The following ZNF704 variants were observed in gnomAD, a reference collection of about 807,000 sequenced individuals.
The protein encoded by ZNF704 is glucocorticoid induced gene 1.
A neutral mutation model predicts 44.7 loss-of-function variants in ZNF704; 10 were observed. The ratio of observed to expected loss-of-function variants is 0.22; its 90% CI spans 0.14 to 0.38. ZNF704 has a LOEUF of 0.38. Ranked by LOEUF, ZNF704 falls within the 10% of genes least tolerant of loss-of-function variation. The probability of loss-of-function intolerance (pLI) is 1.00; values close to 1 mark genes in which losing one functional copy is unlikely to be tolerated. For synonymous variants in ZNF704, 211 were observed against 207.6 expected (o/e 1.02, Z -0.14); for missense variants, 390 against 545.5 (o/e 0.71, Z 2.84).
Position 80,638,817 on chromosome 8 carries a change from G to C in ZNF704, c.*2549C>G, listed in dbSNP as rs1177577627. On this transcript the variant is annotated 3_prime_UTR_variant, in exon 9 of 9. Coordinates refer to ENST00000327835, the MANE Select transcript of ZNF704 (RefSeq NM_001033723.3). The stretch of plus-strand genomic sequence containing the variant: ...AGAAAAGAAAGTACACAGAGCCGTG[G>C]GCTAGCAGGCAGAAAGCAGCCCCAA... 6.6e-6 allele frequency: 1 copy of C among 152,196 alleles called. No homozygotes were observed. The highest frequency in any genetic ancestry group is 2.1e-4 in the South Asian group (1 of 4,832). The allele number at this position is 152,196 out of a possible 1,614,324, so 9.4% of individuals were successfully genotyped here.
intron 2 of ZNF704, among the ~76,000 whole-genome samples, chr8:80,712,071 G>A (rs1818996071): frequency 1.3e-5 from 2 of 152,212 alleles, no homozygotes; most frequent in African/African-American, 4.8e-5. Flanking sequence ...ATGTTCGGAG[G>A]TGAGACCTTT....
chr8:80,738,658 A>T (rs940177481), intron 2 of ZNF704, among the ~76,000 whole-genome samples: 3 of 152,118 alleles, frequency 2.0e-5, no homozygotes, highest in African/African-American at 7.2e-5. Flanking sequence ...ATATTCTACA[A>T]GATTTTCAAG....
intron 2 of ZNF704, among the ~76,000 whole-genome samples, chr8:80,780,342 A>C (rs1246721981): frequency 6.6e-6 from 1 of 152,200 alleles, no homozygotes; most frequent in Non-Finnish European, 1.5e-5. Flanking sequence ...TGGCAGAAAG[A>C]GATCAGAATG....
intron 2 of ZNF704, among the ~76,000 whole-genome samples, chr8:80,744,263 T>G (rs1806809272): frequency 6.6e-6 from 1 of 152,182 alleles, no homozygotes; most frequent in African/African-American, 2.4e-5. Flanking sequence ...AAACTTAACA[T>G]GTGTCTCACA....
At chr8:80,698,542 G>C (rs1818760287) in intron 2 of ZNF704, among the ~76,000 whole-genome samples, 1 of 152,170 alleles carries the variant, frequency 6.6e-6, no homozygotes, top group African/African-American at 2.4e-5. Context: ...CAAGTGGAAT[G>C]GGGTTGGGAG....
intron 2 of ZNF704, among the ~76,000 whole-genome samples, chr8:80,795,214 T>C (rs184704047): frequency 2.5e-4 from 38 of 152,304 alleles, no homozygotes; most frequent in African/African-American, 7.7e-4. Flanking sequence ...ATGAATGACC[T>C]TTGGGTTTCT....
At chr8:80,782,560 A>C (rs1175269748) in intron 2 of ZNF704, among the ~76,000 whole-genome samples, 3 of 152,206 alleles carry the variant, frequency 2.0e-5, no homozygotes, top group Non-Finnish European at 2.9e-5. Context: ...CATGATATGT[A>C]GAGTCCTTCT....
At chr8:80,843,998 C>T (rs950399433) in intron 1 of ZNF704, among the ~76,000 whole-genome samples, 1 of 149,154 alleles carries the variant, frequency 6.7e-6, no homozygotes, top group African/African-American at 2.5e-5. Context: ...TATACACATA[C>T]ACACATGTAT....
intron 7 of ZNF704, chr8:80,645,033 C>T: frequency 1.5e-6 from 2 of 1,307,986 alleles, no homozygotes; most frequent in South Asian, 1.2e-5. Context: ...CTGCTGAATG[C>T]CAAGATTCCT....
intron 1 of ZNF704, among the ~76,000 whole-genome samples, chr8:80,872,109 A>C (rs1051885428): frequency 6.6e-6 from 1 of 152,216 alleles, no homozygotes; most frequent in African/African-American, 2.4e-5. Context: ...TCTGGACAAA[A>C]ATGCTAAGGA....
chr8:80,875,243 G>C (rs147841502), upstream of ZNF704, among the ~76,000 whole-genome samples: 1 of 152,054 alleles, frequency 6.6e-6, no homozygotes, highest in South Asian at 2.1e-4. Flanking sequence ...TTGCTATTGC[G>C]TGGGGTTAGG....
At chr8:80,670,712 C>T (rs1352216405) in intron 4 of ZNF704, 109 bp from the exon 5 acceptor site, 15 of 741,708 alleles carry the variant, frequency 2.0e-5, no homozygotes, top group Admixed American at 1.7e-4. Context: ...GCAGCATCCC[C>T]AGCCTCTTGA....
chr8:80,775,706 T>C (rs780502824), intron 2 of ZNF704, among the ~76,000 whole-genome samples: 2 of 152,170 alleles, frequency 1.3e-5, no homozygotes, highest in Middle Eastern at 3.2e-3. Flanking sequence ...GTGGAAGAAA[T>C]GCAAAAATTA....
At chr8:80,664,367 G>A (rs547237625) in intron 6 of ZNF704, among the ~76,000 whole-genome samples, 1 of 151,904 alleles carries the variant, frequency 6.6e-6, no homozygotes, top group African/African-American at 2.4e-5. Context: ...TGCCTCCTGG[G>A]TTCAAGTGAT....
intron 2 of ZNF704, among the ~76,000 whole-genome samples, chr8:80,742,642 C>T (rs1028746089): frequency 3.3e-5 from 5 of 152,118 alleles, no homozygotes; most frequent in Admixed American, 2.0e-4. Flanking sequence ...AACTACAAAT[C>T]GTTCTTCAAA....
rs1396083309 is a variant in ZNF704, at chr8:80,632,556, A to C, written c.*8810T>G. On this transcript the variant is annotated 3_prime_UTR_variant, in exon 9 of 9. Transcript: ENST00000327835. Reference sequence around the variant, plus strand: ...GACCTAGCAAGATAATGTAATAGTTAATTAGACTTGAGAATTGATTTTTAG... The same window carrying C: ...GACCTAGCAAGATAATGTAATAGTTCATTAGACTTGAGAATTGATTTTTAG... 6 of 152,216 alleles carry C rather than the reference A, an allele frequency of 3.9e-5. No homozygotes were observed. The highest frequency in any genetic ancestry group is 8.8e-5 in the Non-Finnish European group (6 of 68,048). 9.4% of individuals were successfully genotyped at this position (152,216 alleles called of 1,614,324 possible).
At chr8:80,696,339 A>T (rs1188714273) in intron 2 of ZNF704, among the ~76,000 whole-genome samples, 1 of 152,224 alleles carries the variant, frequency 6.6e-6, no homozygotes, top group East Asian at 1.9e-4. Context: ...ATGGGACTTA[A>T]ATTTGGAATT....
intron 1 of ZNF704, among the ~76,000 whole-genome samples, chr8:80,849,407 G>A (rs977344008): frequency 6.6e-6 from 1 of 152,088 alleles, no homozygotes; most frequent in African/African-American, 2.4e-5. Context: ...GGCAAGCACA[G>A]CAACAGAAAA....
intron 2 of ZNF704, among the ~76,000 whole-genome samples, chr8:80,733,892 A>AT (rs1378643227): frequency 5.9e-5 from 9 of 152,222 alleles, no homozygotes; most frequent in African/African-American, 2.2e-4. Flanking sequence ...TTTGAACCCT[A>AT]CAAAAAAGTG....
Sources: allele counts gnomAD v4.1 joint callset (sites outside exome capture counted in the v4.1 genomes callset), GRCh38; gene constraint gnomAD v4.1.1; transcripts MANE v1.5; gene names NCBI Gene and HGNC (gene_info 2026-07-23, HGNC 2026-07-21).